Variants in HDGFL3 observed in about 807,000 individuals in gnomAD.
HDGFL3 encodes hepatoma-derived growth factor-related protein 3.
In HDGFL3, 6 loss-of-function variants were observed where a neutral mutation model predicts 27.6. That is an observed-to-expected ratio of 0.22 (90% CI 0.12 to 0.43). The LOEUF (loss-of-function observed/expected upper bound fraction) is 0.43, where lower values mean the gene tolerates loss of function less well. Ranked by LOEUF, HDGFL3 falls within the 20% of genes least tolerant of loss-of-function variation. HDGFL3 has a pLI of 1.00. For synonymous variants in HDGFL3, 88 were observed against 88.9 expected (o/e 0.99, Z 0.05); for missense variants, 207 against 250.1 (o/e 0.83, Z 1.16).
chr15:83,144,512 TC>T (rs1263828785), intron 5 of HDGFL3: 1 of 455,958 alleles, frequency 2.2e-6, no homozygotes, highest in African/African-American at 2.0e-5. Flanking sequence ...TACTGCTTAC[TC>T]TGATGAAGCC....
downstream of HDGFL3, chr15:83,122,879 G>A: frequency 4.3e-6 from 7 of 1,613,690 alleles, no homozygotes; most frequent in Non-Finnish European, 5.9e-6. Flanking sequence ...CCCCTCAAAG[G>A]TGATTTTATT....
intron 1 of HDGFL3, among the ~76,000 whole-genome samples, chr15:83,165,094 A>G (rs1337001065): frequency 1.3e-5 from 2 of 152,250 alleles, no homozygotes; most frequent in African/African-American, 4.8e-5. Flanking sequence ...ATGCTTACAT[A>G]GAAATGCTTT....
At chr15:83,151,082 G>A (rs1031016253) in intron 5 of HDGFL3, 133 bp downstream of exon 5, 1 of 752,158 alleles carries the variant, frequency 1.3e-6, no homozygotes, top group Non-Finnish European at 2.1e-6. Flanking sequence ...AGGGCTGAGT[G>A]GATGCATATA....
exon 4 of HDGFL3, chr15:83,113,404 T>C: frequency 6.5e-6 from 1 of 154,974 alleles, no homozygotes; most frequent in Non-Finnish European, 1.4e-5. Flanking sequence ...ATCCCTCCAC[T>C]TGAAAGTGAA....
chr15:83,159,763 A>T (rs1019489446), intron 2 of HDGFL3, among the ~76,000 whole-genome samples: 1 of 152,218 alleles, frequency 6.6e-6, no homozygotes, highest in Non-Finnish European at 1.5e-5. Flanking sequence ...AGAGTGCCTC[A>T]TAAGTTTGAG....
chr15:83,154,607 G>C (rs2037006002), intron 4 of HDGFL3, among the ~76,000 whole-genome samples: 1 of 152,102 alleles, frequency 6.6e-6, no homozygotes, highest in South Asian at 2.1e-4. Context: ...TTATAATGTG[G>C]TGATTTTTAC....
chr15:83,180,643 ATT>A (rs34952033), intron 1 of HDGFL3, among the ~76,000 whole-genome samples: 6 of 126,346 alleles, frequency 4.7e-5, no homozygotes, highest in East Asian at 2.3e-4. Context: ...TAACTTATCA[ATT>A]TTTTTTTTTT....
In HDGFL3 at chr15:83,128,350, T is replaced by C. The variant is rs2035952050; in HGVS notation, c.*10920A>G. 1 of 152,220 alleles carries C rather than the reference T, an allele frequency of 6.6e-6. No homozygotes were observed. Among genetic ancestry groups the C allele is most frequent in the Non-Finnish European group, 1.5e-5 (1 of 68,042 alleles). The allele number at this position is 152,220 out of a possible 1,614,324, so 9.4% of individuals were successfully genotyped here. A position where few individuals can be genotyped will look rare whatever the true frequency, so the allele number is the denominator to read the frequency against. On this transcript the variant is annotated 3_prime_UTR_variant, in exon 6 of 6. Transcript: ENST00000299633. Reference sequence around the variant, plus strand: ...TTCAGTTTGAGGTAATTCTTAATTATAAAATTAGCATAGTAGTATCGAAAA... The same window carrying C: ...TTCAGTTTGAGGTAATTCTTAATTACAAAATTAGCATAGTAGTATCGAAAA...
intron 5 of HDGFL3, among the ~76,000 whole-genome samples, chr15:83,149,898 GT>G (rs2036943316): frequency 6.6e-6 from 1 of 152,170 alleles, no homozygotes; most frequent in Non-Finnish European, 1.5e-5. Flanking sequence ...ATGACTGGGT[GT>G]GCTTTGGAGA....
At chr15:83,149,711 G>C (rs2036940470) in intron 5 of HDGFL3, among the ~76,000 whole-genome samples, 1 of 152,174 alleles carries the variant, frequency 6.6e-6, no homozygotes, top group Admixed American at 6.5e-5. Context: ...AGAGGAAATG[G>C]AGACTGGGAG....
chr15:83,151,451 T>TCAACCACTAAAA, intron 4 of HDGFL3, 90 bp from the exon 5 acceptor site: 1 of 1,148,016 alleles, frequency 8.7e-7, no homozygotes, highest in Non-Finnish European at 1.2e-6. Context: ...CTTGCATCTA[T>TCAACCACTAAAA]CTAGTTTTAG....
At chr15:83,165,281 C>T (rs2037155452) in intron 1 of HDGFL3, among the ~76,000 whole-genome samples, 1 of 152,204 alleles carries the variant, frequency 6.6e-6, no homozygotes, top group South Asian at 2.1e-4. Context: ...ACAACTCTGT[C>T]ACTTATTGGC....
chr15:83,122,193 A>G (rs2035319656), intron 3 of HDGFL3, among the ~76,000 whole-genome samples: 1 of 152,182 alleles, frequency 6.6e-6, no homozygotes, highest in Non-Finnish European at 1.5e-5. Context: ...AGCAATTTTC[A>G]GATGTGTGCA....
At chr15:83,198,075 G>A (rs202104342) in intron 1 of HDGFL3, among the ~76,000 whole-genome samples, 3,585 of 66,720 alleles carry the variant, frequency 0.054, 9 homozygotes, top group African/African-American at 0.094. Context: ...AAAAAAAAAA[G>A]AAGCCAATTA....
chr15:83,123,920 C>G (rs2035494660), downstream of HDGFL3, among the ~76,000 whole-genome samples: 1 of 152,188 alleles, frequency 6.6e-6, no homozygotes, highest in Non-Finnish European at 1.5e-5. Context: ...TTCAGAATTG[C>G]TCTGCAAAGC....
chr15:83,163,587 C>T (rs1408887669), intron 2 of HDGFL3, among the ~76,000 whole-genome samples: 1 of 152,136 alleles, frequency 6.6e-6, no homozygotes, highest in Non-Finnish European at 1.5e-5. Context: ...TGGTATATTT[C>T]CTTGAGGGCC....
chr15:83,148,077 T>C (rs1231520886), intron 5 of HDGFL3, among the ~76,000 whole-genome samples: 2 of 152,214 alleles, frequency 1.3e-5, no homozygotes, highest in Non-Finnish European at 2.9e-5. Context: ...ATAATGACCA[T>C]TTTATACTCA....
chr15:83,201,530 G>C (rs986721220), intron 1 of HDGFL3, among the ~76,000 whole-genome samples: 1 of 152,094 alleles, frequency 6.6e-6, no homozygotes, highest in African/African-American at 2.4e-5. Context: ...ATTCGGGCTA[G>C]TCTCCTACTA....
rs1401925472 is a variant in HDGFL3, at chr15:83,132,314, G to A, written c.*6956C>T. 6.6e-6 allele frequency: 1 copy of A among 152,166 alleles called. No homozygotes were observed. Among genetic ancestry groups the A allele is most frequent in the Non-Finnish European group, 1.5e-5 (1 of 68,048 alleles). 9.4% of individuals were successfully genotyped at this position (152,166 alleles called of 1,614,324 possible). A position where few individuals can be genotyped will look rare whatever the true frequency, so the allele number is the denominator to read the frequency against. ...ACAAACTAATTAAATTAAGTGTATT[G>A]TATATAATTACCAAGAAAACAAAGA... On this transcript the variant is annotated 3_prime_UTR_variant, in exon 6 of 6. Transcript: ENST00000299633.
Sources: gnomAD v4.1 joint callset for allele counts (sites outside exome capture counted in the v4.1 genomes callset) on GRCh38, gnomAD v4.1.1 for gene constraint, MANE v1.5 for transcripts, NCBI Gene and HGNC (gene_info 2026-07-23, HGNC 2026-07-21) for gene names.